The following KPNA3 variants were observed in gnomAD, a reference collection of about 807,000 sequenced individuals.
KPNA3 encodes karyopherin subunit alpha 3, also known as importin subunit alpha-4.
In KPNA3, 13 loss-of-function variants were observed where a neutral mutation model predicts 73.8. That is an observed-to-expected ratio of 0.18 (90% CI 0.11 to 0.28). The LOEUF is 0.28. Among genes scored for constraint, KPNA3 ranks in the 10% least tolerant of loss-of-function variants. The probability of loss-of-function intolerance (pLI) is 1.00; values close to 1 mark genes in which losing one functional copy is unlikely to be tolerated. For synonymous variants in KPNA3, 186 were observed against 206.9 expected (o/e 0.90, Z 0.87); for missense variants, 360 against 618.1 (o/e 0.58, Z 4.43).
Position 49,706,080 on chromosome 13 carries a change from A to C in KPNA3, c.1209+18T>G. ...TCCAGTATTAACAATCATGACAGTTACAGGTTTTCAAACTCACCTGATCTT... is the reference window on the plus strand; with the variant it reads ...TCCAGTATTAACAATCATGACAGTTCCAGGTTTTCAAACTCACCTGATCTT... On this transcript the variant is annotated intron_variant, in intron 14 of 16. Coordinates refer to ENST00000261667, the MANE Select transcript of KPNA3 (RefSeq NM_002267.4). 5.6e-6 allele frequency: 9 copies of C among 1,604,546 alleles called. No individual in the cohort carries two copies. The highest frequency in any genetic ancestry group is 7.7e-6 in the Non-Finnish European group (9 of 1,173,460).
At chr13:49,772,594 G>A (rs1267969728) in intron 1 of KPNA3, among the ~76,000 whole-genome samples, 2 of 152,148 alleles carry the variant, frequency 1.3e-5, no homozygotes, top group Non-Finnish European at 2.9e-5. Context: ...CCTGAGGTCA[G>A]GAGTTCCAGA....
intron 12 of KPNA3, among the ~76,000 whole-genome samples, chr13:49,709,297 A>G (rs1954236973): frequency 6.6e-6 from 1 of 151,024 alleles, no homozygotes; most frequent in South Asian, 2.1e-4. Context: ...GCTTCTCGGG[A>G]GGCTGAGGCA....
At chr13:49,728,234 CAA>C (rs60821750) in intron 6 of KPNA3, among the ~76,000 whole-genome samples, 22 of 63,310 alleles carry the variant, frequency 3.5e-4, no homozygotes, top group Middle Eastern at 0.01. Context: ...GACTCTGTCT[CAA>C]AAAAAAAAAA....
intron 1 of KPNA3, among the ~76,000 whole-genome samples, chr13:49,761,849 A>C (rs1438869455): frequency 6.5e-4 from 86 of 133,324 alleles, no homozygotes; most frequent in Middle Eastern, 5.1e-3. Flanking sequence ...CTCTGCCCAG[A>C]CGCCCCGTCT....
intron 10 of KPNA3, among the ~76,000 whole-genome samples, chr13:49,716,537 C>T (rs1006844305): frequency 6.6e-6 from 1 of 152,134 alleles, no homozygotes; most frequent in South Asian, 2.1e-4. Flanking sequence ...CTCCCCGACT[C>T]AAGCGATTCT....
chr13:49,751,992 C>T (rs1250874492), intron 1 of KPNA3, among the ~76,000 whole-genome samples: 1 of 152,056 alleles, frequency 6.6e-6, no homozygotes, highest in Non-Finnish European at 1.5e-5. Flanking sequence ...GGTTAAATCA[C>T]CAGCTACAGG....
chr13:49,709,770 C>G, intron 11 of KPNA3, 70 bp from the exon 12 acceptor site: 2 of 1,458,224 alleles, frequency 1.4e-6, no homozygotes, highest in Non-Finnish European at 1.9e-6. Context: ...TTTTCATAAT[C>G]CTGAGAAAAA....
chr13:49,773,663 C>T (rs1193313783), intron 1 of KPNA3, among the ~76,000 whole-genome samples: 1 of 152,012 alleles, frequency 6.6e-6, no homozygotes, highest in Non-Finnish European at 1.5e-5. Context: ...TTTTATGTTC[C>T]AATGATAATT....
chr13:49,703,207 G>A (rs1357069410), intron 15 of KPNA3, among the ~76,000 whole-genome samples: 105 of 101,980 alleles, frequency 1.0e-3, no homozygotes, highest in Non-Finnish European at 1.8e-3. Context: ...TTTTTGAGAC[G>A]GAGTCTCACT....
chr13:49,781,588 G>A (rs1478003116), intron 1 of KPNA3, among the ~76,000 whole-genome samples: 1 of 152,158 alleles, frequency 6.6e-6, no homozygotes, highest in Admixed American at 6.5e-5. Context: ...TAGCTGCTGA[G>A]TGACATAACT....
intron 1 of KPNA3, among the ~76,000 whole-genome samples, chr13:49,766,204 G>A (rs9562923): frequency 0.091 from 13,853 of 152,226 alleles, 684 homozygotes; most frequent in South Asian, 0.12. Context: ...TCTACAGGTT[G>A]TAATCTCCAT....
chr13:49,761,967 C>T (rs1392529825), intron 1 of KPNA3, among the ~76,000 whole-genome samples: 35 of 151,934 alleles, frequency 2.3e-4, no homozygotes, highest in Non-Finnish European at 4.4e-4. Context: ...ACCCGGCAGC[C>T]GCCCCATCTG....
chr13:49,719,805 T>C lies in KPNA3; in HGVS notation c.741A>G (p.Leu247=), dbSNP rs368867857. ...TATCTGTATGGTATATGAGGACACA[T>C]AAAGCTGGCAAAATCTGAGGAAAGA... ...METVQEILPA[L]CVLIYHTDIN... is the part of the protein sequence containing the mutation. Residue 247 remains leucine, a synonymous_variant, in exon 10 of 17, where the codon TTA becomes TTG. Transcript: ENST00000261667. 5 of 1,597,074 alleles carry C rather than the reference T, an allele frequency of 3.1e-6. No individual in the cohort carries two copies. The highest frequency in any genetic ancestry group is 4.3e-6 in the Non-Finnish European group (5 of 1,166,160).
chr13:49,717,021 G>A (rs1954310509), intron 10 of KPNA3, among the ~76,000 whole-genome samples: 1 of 151,876 alleles, frequency 6.6e-6, no homozygotes, highest in Non-Finnish European at 1.5e-5. Flanking sequence ...CTCCCTTAAC[G>A]ATTCCTATTA....
At chr13:49,752,265 C>T (rs1410293433) in intron 1 of KPNA3, among the ~76,000 whole-genome samples, 2 of 152,056 alleles carry the variant, frequency 1.3e-5, no homozygotes, top group East Asian at 3.9e-4. Flanking sequence ...AAATAGGATG[C>T]CAATGCCACC....
chr13:49,704,851 A>T (rs1273387009), intron 15 of KPNA3, among the ~76,000 whole-genome samples: 1 of 152,246 alleles, frequency 6.6e-6, no homozygotes, highest in Non-Finnish European at 1.5e-5. Context: ...GGTGACTCAG[A>T]AGTCAGTAAC....
chr13:49,772,297 A>C (rs552151472), intron 1 of KPNA3, among the ~76,000 whole-genome samples: 1 of 152,196 alleles, frequency 6.6e-6, no homozygotes, highest in Non-Finnish European at 1.5e-5. Context: ...ATATGACATA[A>C]GCTGTGGATT....
At chr13:49,710,001 C>T (rs1316228379) in intron 11 of KPNA3, among the ~76,000 whole-genome samples, 1 of 152,118 alleles carries the variant, frequency 6.6e-6, no homozygotes, top group African/African-American at 2.4e-5. Flanking sequence ...GTGGCTCATG[C>T]CTATAATCCC....
At chr13:49,754,235 A>C (rs548788547) in intron 1 of KPNA3, among the ~76,000 whole-genome samples, 1 of 152,270 alleles carries the variant, frequency 6.6e-6, no homozygotes, top group Admixed American at 6.5e-5. Context: ...TGGGAGGTGG[A>C]GGCTGCAATG....
Sources: allele counts gnomAD v4.1 joint callset (sites outside exome capture counted in the v4.1 genomes callset), GRCh38; gene constraint gnomAD v4.1.1; transcripts MANE v1.5; gene names NCBI Gene and HGNC (gene_info 2026-07-23, HGNC 2026-07-21).